Variants in CDH12 observed in about 807,000 individuals in gnomAD.
The protein encoded by CDH12 is cadherin-12.
A neutral mutation model predicts 74.1 loss-of-function variants in CDH12; 41 were observed. That is an observed-to-expected ratio of 0.55 (90% CI 0.43 to 0.72). The LOEUF is 0.72. Ranked by LOEUF, CDH12 falls within the 30% of genes least tolerant of loss-of-function variation. The pLI is 0.00. For missense variants in CDH12, 945 were observed against 977.2 expected, an observed-to-expected ratio of 0.97 and a Z score of 0.44; for synonymous variants, 399 against 355.0, an observed-to-expected ratio of 1.12 and a Z score of -1.39.
At chr5:22,486,449 T>TA (rs1412818640) in intron 2 of CDH12, among the ~76,000 whole-genome samples, 1 of 112,082 alleles carries the variant, frequency 8.9e-6, no homozygotes, top group Non-Finnish European at 2.0e-5. Flanking sequence ...ACTAGTAATT[T>TA]TTTTTTTTTT....
intron 6 of CDH12, among the ~76,000 whole-genome samples, chr5:21,858,081 AT>A (rs1253547863): frequency 6.6e-6 from 1 of 151,390 alleles, no homozygotes; most frequent in Non-Finnish European, 1.5e-5. Context: ...TTAGGACTTC[AT>A]TTAACCTTAA....
intron 6 of CDH12, among the ~76,000 whole-genome samples, chr5:21,964,100 T>C (rs2431910): frequency 6.6e-6 from 1 of 151,830 alleles, no homozygotes; most frequent in African/African-American, 2.4e-5. Context: ...AGGAGAAAAA[T>C]GGCTAGCACT....
chr5:22,690,977 C>T (rs962052046), intron 1 of CDH12, among the ~76,000 whole-genome samples: 5 of 152,016 alleles, frequency 3.3e-5, no homozygotes, highest in African/African-American at 9.7e-5. Flanking sequence ...ACAGATGGAC[C>T]GATCCATGCA....
intron 1 of CDH12, among the ~76,000 whole-genome samples, chr5:22,693,997 T>A (rs748484322): frequency 6.6e-6 from 1 of 152,016 alleles, no homozygotes; most frequent in Non-Finnish European, 1.5e-5. Context: ...TGGAGTGCAG[T>A]GGTGTGTTCA....
At chr5:21,885,098 G>C (rs190780193) in intron 6 of CDH12, among the ~76,000 whole-genome samples, 1 of 152,184 alleles carries the variant, frequency 6.6e-6, no homozygotes, top group African/African-American at 2.4e-5. Context: ...TGTTGGTCAG[G>C]CTGATCTGGA....
At chr5:22,362,489 T>C (rs569283370) in intron 3 of CDH12, among the ~76,000 whole-genome samples, 3 of 152,278 alleles carry the variant, frequency 2.0e-5, no homozygotes, top group African/African-American at 7.2e-5. Context: ...GGTGGGACTG[T>C]AAACTAGTTT....
intron 10 of CDH12, among the ~76,000 whole-genome samples, chr5:21,798,567 A>C (rs1746928173): frequency 6.6e-6 from 1 of 152,048 alleles, no homozygotes; most frequent in Admixed American, 6.6e-5. Context: ...TTGAAATCCT[A>C]ATGTCCAATG....
intron 6 of CDH12, among the ~76,000 whole-genome samples, chr5:21,879,773 C>T (rs989378889): frequency 3.9e-5 from 6 of 152,066 alleles, no homozygotes; most frequent in African/African-American, 1.4e-4. Context: ...TCAGATTACC[C>T]ATGAATTTAT....
intron 1 of CDH12, among the ~76,000 whole-genome samples, chr5:22,552,163 T>A (rs1336678493): frequency 6.6e-6 from 1 of 152,092 alleles, no homozygotes; most frequent in Admixed American, 6.5e-5. Flanking sequence ...TTTTATTATG[T>A]TGAGACTTTA....
At chr5:22,174,459 A>G (rs1392588399) in intron 4 of CDH12, among the ~76,000 whole-genome samples, 2 of 152,000 alleles carry the variant, frequency 1.3e-5, no homozygotes, top group Non-Finnish European at 2.9e-5. Context: ...TGGCATTTCT[A>G]AAAGCTTTTC....
At chr5:22,005,866 G>T (rs1339884998) in intron 5 of CDH12, among the ~76,000 whole-genome samples, 2 of 151,924 alleles carry the variant, frequency 1.3e-5, no homozygotes, top group African/African-American at 4.8e-5. Context: ...CTCTGCAATG[G>T]GTTTTCAAAT....
chr5:22,557,152 G>C (rs1056676187), intron 1 of CDH12, among the ~76,000 whole-genome samples: 6 of 151,816 alleles, frequency 4.0e-5, no homozygotes, highest in Admixed American at 1.3e-4. Context: ...ATTTTTCTTT[G>C]ACAGCATAAA....
At chr5:22,365,470 T>C (rs1460743977) in intron 3 of CDH12, among the ~76,000 whole-genome samples, 1 of 152,184 alleles carries the variant, frequency 6.6e-6, no homozygotes, top group African/African-American at 2.4e-5. Flanking sequence ...AAGCTATCTA[T>C]GTCATTTGAA....
intron 4 of CDH12, among the ~76,000 whole-genome samples, chr5:22,117,523 A>ATATAAT (rs1347655379): frequency 4.6e-5 from 3 of 65,582 alleles, no homozygotes; most frequent in African/African-American, 1.8e-4. Context: ...ATATATATAT[A>ATATAAT]ATATATATAT....
At chr5:22,572,288 A>T (rs779736601) in intron 1 of CDH12, among the ~76,000 whole-genome samples, 7 of 152,044 alleles carry the variant, frequency 4.6e-5, no homozygotes, top group South Asian at 2.1e-4. Flanking sequence ...AATACTAAAA[A>T]TTTTTTAGTA....
At chr5:22,621,074 T>A (rs1737945603) in intron 1 of CDH12, among the ~76,000 whole-genome samples, 1 of 152,182 alleles carries the variant, frequency 6.6e-6, no homozygotes. Context: ...TAAGAGAACA[T>A]CTTTTTCCTT....
intron 3 of CDH12, among the ~76,000 whole-genome samples, chr5:22,258,303 T>G (rs1271084176): frequency 6.6e-6 from 1 of 152,078 alleles, no homozygotes; most frequent in African/African-American, 2.4e-5. Context: ...TCCTATAGTT[T>G]TGAAAGACAA....
At chr5:22,716,736 G>A (rs1174198812) in intron 1 of CDH12, among the ~76,000 whole-genome samples, 1 of 151,952 alleles carries the variant, frequency 6.6e-6, no homozygotes, top group African/African-American at 2.4e-5. Context: ...GACAAGATGT[G>A]GAGATAAAAA....
intron 1 of CDH12, among the ~76,000 whole-genome samples, chr5:22,621,831 A>T (rs1737988639): frequency 6.6e-6 from 1 of 151,908 alleles, no homozygotes; most frequent in African/African-American, 2.4e-5. Context: ...GCTGGTAAAT[A>T]AAAAAAATCG....
Sources: allele counts gnomAD v4.1 joint callset (sites outside exome capture counted in the v4.1 genomes callset), GRCh38; gene constraint gnomAD v4.1.1; transcripts MANE v1.5; gene names NCBI Gene and HGNC (gene_info 2026-07-23, HGNC 2026-07-21).